The following FLT4 variants were observed in gnomAD, a reference collection of about 807,000 sequenced individuals.
FLT4 encodes the protein vascular endothelial growth factor receptor 3.
A neutral mutation model predicts 163.2 loss-of-function variants in FLT4; 30 were observed. That is an observed-to-expected ratio of 0.18 (90% CI 0.14 to 0.25). FLT4 has a LOEUF of 0.25. FLT4 is among the 10% of genes least tolerant of loss of function. FLT4 has a pLI of 1.00. For synonymous variants in FLT4, 884 were observed against 789.5 expected, an observed-to-expected ratio of 1.12 and a Z score of -2.01; for missense variants, 1,510 against 1,863.8, an observed-to-expected ratio of 0.81 and a Z score of 3.50.
chr5:180,619,581 T>C, intron 18 of FLT4, 84 bp downstream of exon 18: 1 of 1,157,998 alleles, frequency 8.6e-7, no homozygotes, highest in African/African-American at 1.5e-5. Context: ...TCAGTCTCCC[T>C]TCCCGAGTTG....
intron 1 of FLT4, among the ~76,000 whole-genome samples, chr5:180,645,139 G>C (rs1316636540): frequency 1.3e-5 from 2 of 152,224 alleles, no homozygotes; most frequent in African/African-American, 2.4e-5. Flanking sequence ...GAGTTGGGGG[G>C]GGCCCTGAAG....
intron 1 of FLT4, among the ~76,000 whole-genome samples, chr5:180,647,719 C>T (rs371327422): frequency 1.3e-5 from 2 of 152,162 alleles, no homozygotes; most frequent in African/African-American, 4.8e-5. Flanking sequence ...GAGGGATGAC[C>T]TCTGTCTTCA....
chr5:180,649,113 G>A (rs1765624526), intron 1 of FLT4, among the ~76,000 whole-genome samples: 1 of 151,812 alleles, frequency 6.6e-6, no homozygotes, highest in Non-Finnish European at 1.5e-5. Flanking sequence ...TCGGGACGGC[G>A]CGGCGCGGGG....
chr5:180,611,272 A>AT lies in FLT4; in HGVS notation c.3686+58dup. On this transcript the variant is annotated intron_variant, in intron 27 of 29. Transcript: ENST00000261937. ...TTCCCCGATGACGCAGAGGGATAAA[A>AT]TGCACCTTGTCCACATGGCTTTCTC... is the stretch of plus-strand genomic sequence containing the variant. 5 of 1,596,314 alleles carry AT rather than the reference A, an allele frequency of 3.1e-6. No individual in the cohort carries two copies. In the Admixed American group the frequency reaches 6.7e-5, roughly 21 times the overall value.
At position 180,630,507 on chromosome 5, in the gene FLT4, C is replaced by G. The variant is rs377312908; in HGVS notation, c.400+48G>C. On this transcript the variant is annotated intron_variant, in intron 3 of 29. Transcript: ENST00000261937. The surrounding 1 kb of genome is among the most constrained non-coding windows in gnomAD (Gnocchi z 6.3). ...CCACAGGCTGGGGGCGGTGTGGGCC[C>G]CAGCTGCCCGGGACCCTGCTCCAGC... The G allele has an allele frequency of 6.5e-5, 104 of 1,610,102 alleles. No individual in the cohort carries two copies. The East Asian group carries it at 1.4e-3, about 21-fold the overall frequency.
chr5:180,609,624 C>T (rs55716026), intron 28 of FLT4: 38 of 442,570 alleles, frequency 8.6e-5, no homozygotes, highest in Non-Finnish European at 1.3e-4. Flanking sequence ...CCGGGACCCC[C>T]GAACCTGCCA....
Position 180,630,697 on chromosome 5 carries a change from G to A in FLT4, c.258C>T (p.Gly86=), listed in dbSNP as rs1197145113. Residue 86 remains glycine, a synonymous_variant, in exon 3 of 30, where the codon GGC becomes GGT. Coordinates refer to ENST00000261937, the MANE Select transcript of FLT4 (RefSeq NM_182925.5). The surrounding 1 kb of genome is among the most constrained non-coding windows in gnomAD (Gnocchi z 6.3). The part of the protein sequence containing the change: ...EDTGVVRDCE[G]TDARPYCKVL... ...CCTTGCAGTAGGGCCTGGCGTCTGTGCCCTCGCAGTCTCGCACCACCCCCG... is the reference window on the plus strand; with the variant it reads ...CCTTGCAGTAGGGCCTGGCGTCTGTACCCTCGCAGTCTCGCACCACCCCCG... 1.9e-6 allele frequency: 3 copies of A among 1,612,748 alleles called. No individual in the cohort carries two copies. In the African/African-American group the frequency reaches 4.0e-5, roughly 22 times the overall value.
At position 180,621,349 on chromosome 5, in the gene FLT4, C is replaced by G. The variant is rs772180633; in HGVS notation, c.2021-97G>C. The stretch of plus-strand genomic sequence containing the variant: ...AGAGGTAGAAAAGGATCCCTGGAAG[C>G]TGGACTTAGGGGTTGTGCGCCGGGC... On this transcript the variant is annotated intron_variant, in intron 13 of 29. Transcript: ENST00000261937. 133 of 1,480,450 alleles carry G rather than the reference C, an allele frequency of 9.0e-5. 1 individual carries two copies. The highest frequency in any genetic ancestry group is 1.2e-4 in the Non-Finnish European group (129 of 1,094,646). 91.7% of individuals were successfully genotyped at this position (1,480,450 alleles called of 1,614,324 possible). A position where few individuals can be genotyped will look rare whatever the true frequency, so the allele number is the denominator to read the frequency against.
chr5:180,603,463 A>G, intron 29 of FLT4, 73 bp from the exon 30 acceptor site: 1 of 1,388,366 alleles, frequency 7.2e-7, no homozygotes, highest in South Asian at 1.2e-5. Flanking sequence ...TGGTAATCCC[A>G]GTACTTGGGA....
At chr5:180,607,159 G>C (rs1483662974) in intron 29 of FLT4, among the ~76,000 whole-genome samples, 3 of 152,184 alleles carry the variant, frequency 2.0e-5, no homozygotes, top group African/African-American at 7.2e-5. Context: ...ACCCTTAAAA[G>C]TTTCAACATT....
chr5:180,609,025 A>G lies in FLT4; in HGVS notation c.3836T>C (p.Leu1279Pro). ...VDNQTDSGMV[L>P]ASEEFEQIES... ...TATCTGCTCAAACTCCTCCGAGGCC[A>G]GCACCATCCCACTGTCTGTCTGGTT... is the stretch of plus-strand genomic sequence containing the variant. The change falls in exon 29 of 30, where the codon CTG (leucine) becomes CCG (proline). Residue 1279 changes from leucine to proline, a missense_variant. Transcript: ENST00000261937. 6.2e-7 allele frequency: 1 copy of G among 1,614,184 alleles called. No homozygotes were observed. Among genetic ancestry groups the G allele is most frequent in the Non-Finnish European group, 8.5e-7 (1 of 1,180,012 alleles).
At chr5:180,619,174 G>A (rs1467078166) in intron 19 of FLT4, 65 bp from the exon 20 acceptor site, 1 of 1,302,730 alleles carries the variant, frequency 7.7e-7, no homozygotes, top group Admixed American at 4.1e-5. Context: ...CGCGCTCCGC[G>A]TTTGCACCCG....
Position 180,616,464 on chromosome 5 carries a change from C to T in FLT4, c.3122G>A (p.Arg1041Gln), listed in dbSNP as rs121909650. The T allele has an allele frequency of 6.2e-7, 1 of 1,613,882 alleles. No homozygotes were observed. The highest frequency in any genetic ancestry group is 8.5e-7 in the Non-Finnish European group (1 of 1,179,992). Residue 1041 changes from arginine (R) to glutamine (Q), a missense_variant, in exon 23 of 30, where the codon CGG (arginine) becomes CAG (glutamine). Arg to Gln is a conservative substitution (Grantham distance 43). Around this residue, in one of 5 missense-constraint regions of FLT4, gnomAD observed 878 missense variants for 1,016.7 expected, o/e 0.86. Transcript: ENST00000261937. Reference protein sequence around the residue: ...RKCIHRDLAARNILLSESDVV... With the variant: ...RKCIHRDLAAQNILLSESDVV... ...GTCGCTTTCCGACAGCAGAATGTTC[C>T]GAGCAGCCAGGTCTCTGTGGATGCA...
chr5:180,619,505 G>A, intron 18 of FLT4, 139 bp from the exon 19 acceptor site: 2 of 956,628 alleles, frequency 2.1e-6, no homozygotes, highest in Non-Finnish European at 3.4e-6. Flanking sequence ...AGGGGGTTCG[G>A]GTGGTCCCTC....
chr5:180,623,670 C>T lies in FLT4; in HGVS notation c.1548+265G>A, dbSNP rs528060446. 9.8e-5 allele frequency among the ~76,000 whole-genome samples: 15 copies of T among 152,342 alleles called. No homozygotes were observed. Among genetic ancestry groups the T allele is most frequent in the African/African-American group, 3.4e-4 (14 of 41,596 alleles). On this transcript the variant is annotated intron_variant, in intron 11 of 29. Coordinates refer to ENST00000261937, the MANE Select transcript of FLT4 (RefSeq NM_182925.5). This position sits in a 1 kb window ranked among gnomAD's most constrained non-coding sequence, Gnocchi z 5.8. ...CTGGGGCCTGTGGGCCTCAGGGGCT[C>T]ATGGCCTGGCCAGGTGGCCTTGCAT...
rs373394049 is a variant in FLT4, at chr5:180,603,141, C to T, written c.*51G>A. ...CAGCCTGGGCCTCCAGCCCTCTGCC[C>T]GCCCTGCCGGGCCTGAACCCCCAAG... On this transcript the variant is annotated 3_prime_UTR_variant, in exon 30 of 30. Transcript: ENST00000261937. 4.4e-5 allele frequency: 69 copies of T among 1,583,612 alleles called. No homozygotes were observed. Among genetic ancestry groups the T allele is most frequent in the Non-Finnish European group, 2.2e-5 (25 of 1,155,084 alleles).
chr5:180,616,151 C>A (rs551314530), intron 23 of FLT4, among the ~76,000 whole-genome samples: 1 of 152,146 alleles, frequency 6.6e-6, no homozygotes, highest in African/African-American at 2.4e-5. Context: ...GGTCACCTCC[C>A]TTCTCCACTT....
chr5:180,616,548 C>T, intron 22 of FLT4, 59 bp from the exon 23 acceptor site: 11 of 1,599,636 alleles, frequency 6.9e-6, no homozygotes, highest in Non-Finnish European at 9.4e-6. Flanking sequence ...GTAATACCCA[C>T]ACCCGAAACT....
At position 180,621,681 on chromosome 5, in the gene FLT4, C is replaced by A; in HGVS notation, c.1881G>T (p.Val627=). 1 of 1,611,576 alleles carries A rather than the reference C, an allele frequency of 6.2e-7. No homozygotes were observed. The highest frequency in any genetic ancestry group is 8.5e-7 in the Non-Finnish European group (1 of 1,179,026). The part of the protein sequence containing the change: ...ATPLAASLEE[V]APGARHATLS... ...GCGTGGCGTGGCGCGCCCCAGGTGC[C>A]ACCTCCTCCAGGCTGGCGGCCAGAG... The change falls in exon 13 of 30, where the codon GTG becomes GTT. Residue 627 remains valine (V), a synonymous_variant. Transcript: ENST00000261937.
Sources: allele counts gnomAD v4.1 joint callset (sites outside exome capture counted in the v4.1 genomes callset), GRCh38; gene constraint gnomAD v4.1.1; regional missense constraint gnomAD v4.1.1; non-coding constraint Gnocchi (gnomAD v3.1); transcripts MANE v1.5; gene names NCBI Gene and HGNC (gene_info 2026-07-23, HGNC 2026-07-21).